The following ATP8A2 variants were observed in gnomAD, a reference collection of about 807,000 sequenced individuals.
ATP8A2 encodes the protein phospholipid-transporting ATPase IB.
ATP8A2 carries 100 observed loss-of-function variants against 165.6 expected under a neutral mutation model. The ratio of observed to expected loss-of-function variants is 0.60; its 90% CI spans 0.51 to 0.71. The LOEUF is 0.71. ATP8A2 is among the 30% of genes least tolerant of loss of function. ATP8A2 has a pLI of 0.00. For synonymous variants in ATP8A2, 543 were observed against 548.8 expected (o/e 0.99, Z 0.15); for missense variants, 1,227 against 1,479.5 (o/e 0.83, Z 2.80).
chr13:25,526,713 T>C (rs1860862736), intron 2 of ATP8A2, among the ~76,000 whole-genome samples: 2 of 152,218 alleles, frequency 1.3e-5, no homozygotes, highest in African/African-American at 4.8e-5. Context: ...CACTGCAATT[T>C]GGTATCTCTT....
rs61704652 is a variant in ATP8A2 at position 25,531,159 on chromosome 13, A to T, written c.420+499A>T. ...TGTGTATATATATGTTATATATATGATATATATGTTATATGATATATATAT... is the reference window on the plus strand; with the variant it reads ...TGTGTATATATATGTTATATATATGTTATATATGTTATATGATATATATAT... On this transcript the variant is annotated intron_variant, in intron 4 of 36. Coordinates refer to ENST00000381655, the MANE Select transcript of ATP8A2 (RefSeq NM_016529.6). 9.7e-3 allele frequency among the ~76,000 whole-genome samples: 454 copies of T among 46,820 alleles called. 7 individuals carry two copies. Among genetic ancestry groups the T allele is most frequent in the African/African-American group, 0.034 (335 of 9,720 alleles). 30.7% of individuals were successfully genotyped at this position (46,820 alleles called of 152,430 possible). A position where few individuals can be genotyped will look rare whatever the true frequency, so the allele number is the denominator to read the frequency against.
At chr13:25,427,596 TA>T (rs895579462) in intron 1 of ATP8A2, among the ~76,000 whole-genome samples, 1 of 151,544 alleles carries the variant, frequency 6.6e-6, no homozygotes, top group South Asian at 2.1e-4. Context: ...AAAACTTCTC[TA>T]AAAAAAACAA....
intron 24 of ATP8A2, among the ~76,000 whole-genome samples, chr13:25,604,347 G>C (rs1323030990): frequency 6.6e-6 from 1 of 152,148 alleles, no homozygotes; most frequent in Non-Finnish European, 1.5e-5. Flanking sequence ...GCTGTCTGGG[G>C]CATTATGGAG....
intron 27 of ATP8A2, among the ~76,000 whole-genome samples, chr13:25,822,551 TC>T (rs754057711): frequency 1.3e-5 from 2 of 152,274 alleles, no homozygotes; most frequent in South Asian, 2.1e-4. Context: ...AGCCTTTTCT[TC>T]CCCCTGTGAT....
intron 27 of ATP8A2, among the ~76,000 whole-genome samples, chr13:25,804,296 T>C (rs950599494): frequency 7.9e-5 from 12 of 152,186 alleles, no homozygotes; most frequent in African/African-American, 2.9e-4. Flanking sequence ...TTACAGCTTG[T>C]ATTAAAAGTG....
At chr13:26,010,974 C>G (rs1016867947) in intron 35 of ATP8A2, among the ~76,000 whole-genome samples, 2 of 152,132 alleles carry the variant, frequency 1.3e-5, no homozygotes, top group Non-Finnish European at 1.5e-5. Context: ...CAGGGCCCCA[C>G]TCCTCTTTCG....
At chr13:25,602,804 G>T (rs886357796) in intron 24 of ATP8A2, among the ~76,000 whole-genome samples, 1 of 152,200 alleles carries the variant, frequency 6.6e-6, no homozygotes, top group Non-Finnish European at 1.5e-5. Context: ...AGGCACAGTG[G>T]CTTATGCCTG....
intron 11 of ATP8A2, among the ~76,000 whole-genome samples, chr13:25,552,159 G>A (rs985670879): frequency 3.9e-5 from 6 of 151,974 alleles, no homozygotes; most frequent in Admixed American, 3.9e-4. Context: ...GCTAATTTTT[G>A]TATATTTAGT....
intron 33 of ATP8A2, among the ~76,000 whole-genome samples, chr13:25,916,140 T>C (rs894945344): frequency 6.6e-6 from 1 of 152,204 alleles, no homozygotes; most frequent in Non-Finnish European, 1.5e-5. Flanking sequence ...AATGGAGACA[T>C]TGATTTAATA....
chr13:25,788,372 C>T (rs1234640548), intron 27 of ATP8A2, among the ~76,000 whole-genome samples: 3 of 152,222 alleles, frequency 2.0e-5, no homozygotes, highest in Admixed American at 2.0e-4. Context: ...TGTTGTTCCC[C>T]AACCACAGGG....
intron 28 of ATP8A2, among the ~76,000 whole-genome samples, chr13:25,834,234 T>G (rs1951550244): frequency 6.6e-6 from 1 of 152,224 alleles, no homozygotes; most frequent in African/African-American, 2.4e-5. Context: ...TTTTTAAGAC[T>G]GGAGAACATT....
chr13:25,929,282 C>T (rs1287054435), intron 33 of ATP8A2, among the ~76,000 whole-genome samples: 1 of 152,124 alleles, frequency 6.6e-6, no homozygotes, highest in Non-Finnish European at 1.5e-5. Flanking sequence ...TCTCTCCCTT[C>T]CCTGAAGGCA....
chr13:25,723,150 T>A (rs913877988), intron 25 of ATP8A2, among the ~76,000 whole-genome samples: 1 of 152,238 alleles, frequency 6.6e-6, no homozygotes, highest in African/African-American at 2.4e-5. Flanking sequence ...AAATAGTAAA[T>A]GTCTTGGGCA....
intron 27 of ATP8A2, among the ~76,000 whole-genome samples, chr13:25,779,130 A>AG (rs2044812095): frequency 1.3e-5 from 2 of 152,026 alleles, no homozygotes; most frequent in South Asian, 4.1e-4. Context: ...AAAAAAAAAA[A>AG]AGAGAAAAAT....
intron 1 of ATP8A2, among the ~76,000 whole-genome samples, chr13:25,456,482 G>A (rs751864060): frequency 1.3e-5 from 2 of 152,218 alleles, no homozygotes; most frequent in Non-Finnish European, 2.9e-5. Flanking sequence ...TGGAATTGCT[G>A]TCTGCCCACC....
chr13:25,892,329 C>T (rs1953390818), intron 33 of ATP8A2, among the ~76,000 whole-genome samples: 3 of 152,118 alleles, frequency 2.0e-5, no homozygotes, highest in African/African-American at 7.2e-5. Flanking sequence ...TTACTGTGCA[C>T]AGCCTATCTT....
chr13:26,001,782 G>C (rs1387102406), intron 35 of ATP8A2, among the ~76,000 whole-genome samples: 3 of 152,024 alleles, frequency 2.0e-5, no homozygotes, highest in African/African-American at 7.2e-5. Context: ...ACCTTTATCA[G>C]ATATGATTTG....
At chr13:25,952,652 G>A (rs7996590) in intron 33 of ATP8A2, among the ~76,000 whole-genome samples, 74,155 of 152,020 alleles carry the variant, frequency 0.49, 19,353 homozygotes, top group East Asian at 0.84. Flanking sequence ...AATGACACGC[G>A]TGAGCCACCA....
At chr13:25,410,657 G>A (rs1163164347) in intron 1 of ATP8A2, among the ~76,000 whole-genome samples, 3 of 152,220 alleles carry the variant, frequency 2.0e-5, no homozygotes, top group African/African-American at 7.2e-5. Context: ...AGGGCTGGAA[G>A]AACGTGCACA....
Sources: allele counts gnomAD v4.1 joint callset (sites outside exome capture counted in the v4.1 genomes callset), GRCh38; gene constraint gnomAD v4.1.1; transcripts MANE v1.5; gene names NCBI Gene and HGNC (gene_info 2026-07-23, HGNC 2026-07-21).